The following RPS6KC1 variants were observed in gnomAD, a reference collection of about 807,000 sequenced individuals.
RPS6KC1 encodes the protein inactive ribosomal protein S6 kinase delta-1.
RPS6KC1 carries 54 observed loss-of-function variants against 103.8 expected under a neutral mutation model. The ratio of observed to expected loss-of-function variants is 0.52; its 90% CI spans 0.42 to 0.65. RPS6KC1 has a LOEUF of 0.65. Ranked by LOEUF, RPS6KC1 falls within the 30% of genes least tolerant of loss-of-function variation. RPS6KC1 has a pLI of 0.00. For synonymous variants in RPS6KC1, 439 were observed against 438.7 expected (o/e 1.00, Z -0.01); for missense variants, 1,151 against 1,253.8 (o/e 0.92, Z 1.24).
the RPS6KC1 span, among the ~76,000 whole-genome samples, chr1:213,560,501 A>T: frequency 2.0e-5 from 3 of 152,158 alleles, no homozygotes; most frequent in African/African-American, 7.2e-5. Flanking sequence ...GGGACCTCGG[A>T]TATACAATCA....
the RPS6KC1 span, among the ~76,000 whole-genome samples, chr1:213,545,433 A>AATAAG: frequency 1.9e-5 from 1 of 52,960 alleles, no homozygotes; most frequent in Non-Finnish European, 6.2e-5. Context: ...AATAAAATAA[A>AATAAG]AGAGAGAGAG....
At chr1:213,503,792 T>C in the RPS6KC1 span, among the ~76,000 whole-genome samples, 1 of 152,228 alleles carries the variant, frequency 6.6e-6, no homozygotes, top group African/African-American at 2.4e-5. Context: ...GCCATCCTTG[T>C]ATGGTGCCAG....
At chr1:213,506,435 C>A in the RPS6KC1 span, among the ~76,000 whole-genome samples, 1 of 152,172 alleles carries the variant, frequency 6.6e-6, no homozygotes, top group Non-Finnish European at 1.5e-5. Context: ...CACTAAGTAT[C>A]AGACTGTATT....
At chr1:213,410,313 G>C in the RPS6KC1 span, among the ~76,000 whole-genome samples, 4 of 152,162 alleles carry the variant, frequency 2.6e-5, no homozygotes, top group Non-Finnish European at 4.4e-5. Context: ...AGCCCAGGTG[G>C]AAGGGTCTGC....
At chr1:213,767,344 AG>A in the RPS6KC1 span, among the ~76,000 whole-genome samples, 5 of 152,146 alleles carry the variant, frequency 3.3e-5, no homozygotes, top group African/African-American at 4.8e-5. Context: ...ACCTCATTAT[AG>A]TATCCTCATT....
At chr1:213,313,276 C>G in the RPS6KC1 span, among the ~76,000 whole-genome samples, 2 of 152,200 alleles carry the variant, frequency 1.3e-5, no homozygotes, top group South Asian at 4.2e-4. Context: ...ACCAATCCGC[C>G]CAGAGGAGGC....
the RPS6KC1 span, among the ~76,000 whole-genome samples, chr1:213,836,521 C>A: frequency 6.6e-6 from 1 of 150,848 alleles, no homozygotes; most frequent in African/African-American, 2.4e-5. Flanking sequence ...CTCACTCTAG[C>A]CCCCCTCAAA....
At chr1:213,651,456 A>C in the RPS6KC1 span, among the ~76,000 whole-genome samples, 23 of 152,228 alleles carry the variant, frequency 1.5e-4, no homozygotes, top group Non-Finnish European at 3.2e-4. Context: ...AATATATTTC[A>C]TCATTTAATC....
the RPS6KC1 span, among the ~76,000 whole-genome samples, chr1:213,708,678 G>C: frequency 6.6e-6 from 1 of 152,098 alleles, no homozygotes; most frequent in Admixed American, 6.5e-5. Flanking sequence ...TATGATATTA[G>C]CTGTGGGTTT....
the RPS6KC1 span, among the ~76,000 whole-genome samples, chr1:213,558,460 T>C: frequency 3.9e-5 from 6 of 152,172 alleles, no homozygotes; most frequent in Admixed American, 1.3e-4. Flanking sequence ...GGCCAAAACA[T>C]GAATGATCTC....
At chr1:213,613,757 C>A in the RPS6KC1 span, among the ~76,000 whole-genome samples, 1 of 152,176 alleles carries the variant, frequency 6.6e-6, no homozygotes, top group East Asian at 1.9e-4. Flanking sequence ...CAAAGCAGGG[C>A]AAAGGGCAAG....
the RPS6KC1 span, among the ~76,000 whole-genome samples, chr1:213,642,886 T>A: frequency 6.6e-6 from 1 of 151,852 alleles, no homozygotes; most frequent in Admixed American, 6.6e-5. Context: ...GGTAGGGAGG[T>A]AGCGTATTTT....
At chr1:213,403,688 G>A in the RPS6KC1 span, among the ~76,000 whole-genome samples, 1 of 152,160 alleles carries the variant, frequency 6.6e-6, no homozygotes, top group Non-Finnish European at 1.5e-5. Flanking sequence ...TAGTATGTGA[G>A]CTAGTTGGTT....
chr1:213,706,863 G>T, the RPS6KC1 span, among the ~76,000 whole-genome samples: 1 of 152,066 alleles, frequency 6.6e-6, no homozygotes, highest in Non-Finnish European at 1.5e-5. Context: ...CCATGTCCCT[G>T]CAAAGGACAT....
the RPS6KC1 span, among the ~76,000 whole-genome samples, chr1:213,540,314 C>G: frequency 6.6e-6 from 1 of 152,124 alleles, no homozygotes; most frequent in Non-Finnish European, 1.5e-5. Context: ...AACAAGGTCT[C>G]ACTATGTTGT....
intron 7 of RPS6KC1, among the ~76,000 whole-genome samples, chr1:213,172,412 G>A (rs1043246802): frequency 2.0e-5 from 3 of 152,050 alleles, no homozygotes; most frequent in African/African-American, 7.2e-5. Flanking sequence ...TGGCCAACAT[G>A]GTGAAACTGC....
intron 6 of RPS6KC1, among the ~76,000 whole-genome samples, chr1:213,155,926 A>G (rs932826285): frequency 1.3e-5 from 2 of 152,188 alleles, no homozygotes; most frequent in Non-Finnish European, 2.9e-5. Flanking sequence ...TGTATCCTAG[A>G]ACAAAGCTCA....
chr1:213,070,122 ATGT>A (rs1335730706), intron 1 of RPS6KC1, among the ~76,000 whole-genome samples: 23 of 152,208 alleles, frequency 1.5e-4, no homozygotes, highest in African/African-American at 5.3e-4. Flanking sequence ...TACTTCTCAC[ATGT>A]TGTGTCCGAG....
At chr1:213,775,775 T>C in the RPS6KC1 span, among the ~76,000 whole-genome samples, 1 of 152,228 alleles carries the variant, frequency 6.6e-6, no homozygotes, top group Non-Finnish European at 1.5e-5. Flanking sequence ...CTCTGTAGTA[T>C]GTGACACTGT....
Sources: gnomAD v4.1 joint callset for allele counts (sites outside exome capture counted in the v4.1 genomes callset) on GRCh38, gnomAD v4.1.1 for gene constraint, MANE v1.5 for transcripts, NCBI Gene and HGNC (gene_info 2026-07-23, HGNC 2026-07-21) for gene names.